Variants in LARGE1 observed in about 807,000 individuals in gnomAD.
LARGE1 encodes xylosyl- and glucuronyltransferase LARGE1.
In LARGE1, 43 loss-of-function variants were observed where a neutral mutation model predicts 87.6. The ratio of observed to expected loss-of-function variants is 0.49; its 90% CI spans 0.38 to 0.63. The LOEUF (loss-of-function observed/expected upper bound fraction) is 0.63. Among genes scored for constraint, LARGE1 ranks in the 30% least tolerant of loss-of-function variants. The pLI is 0.00. For synonymous variants in LARGE1, 434 were observed against 394.6 expected (o/e 1.10, Z -1.18); for missense variants, 802 against 1,000.2 (o/e 0.80, Z 2.67).
chr22:33,391,642 C>T (rs148281598), intron 7 of LARGE1, among the ~76,000 whole-genome samples: 18 of 152,118 alleles, frequency 1.2e-4, no homozygotes, highest in Non-Finnish European at 2.2e-4. Context: ...GGTAATGACC[C>T]ATGTCCCCCT....
the LARGE1 span, among the ~76,000 whole-genome samples, chr22:33,155,812 A>G: frequency 6.6e-6 from 1 of 152,230 alleles, no homozygotes; most frequent in Non-Finnish European, 1.5e-5. Flanking sequence ...CAAGGGCCAA[A>G]GGTTTAGGAG....
Position 33,837,635 on chromosome 22 carries a change from G to C in LARGE1, c.-82-76077C>G, listed in dbSNP as rs1480077178. Among the ~76,000 whole-genome samples, 3 of 152,216 alleles carry C rather than the reference G, an allele frequency of 2.0e-5. No homozygotes were observed. The East Asian group carries it at 5.8e-4, about 29-fold the overall frequency. ...GATGACTATGATCATCTGAGTCCAT[G>C]AGGCATCTTCAGGATGCCTCGGAAG... On this transcript the variant is annotated intron_variant, in intron 1 of 14. Transcript: ENST00000397394.
intron 5 of LARGE1, among the ~76,000 whole-genome samples, chr22:33,574,518 G>C (rs1322404219): frequency 6.6e-6 from 1 of 151,790 alleles, no homozygotes; most frequent in African/African-American, 2.4e-5. Flanking sequence ...TGGTCCAGTA[G>C]AAGGACAATT....
At chr22:33,749,172 T>C (rs1212655866) in intron 2 of LARGE1, among the ~76,000 whole-genome samples, 3 of 152,208 alleles carry the variant, frequency 2.0e-5, no homozygotes, top group Non-Finnish European at 4.4e-5. Flanking sequence ...TGGAGTGCAA[T>C]GGCACAATCT....
chr22:33,368,147 C>G (rs971155797), intron 9 of LARGE1, among the ~76,000 whole-genome samples: 1 of 152,120 alleles, frequency 6.6e-6, no homozygotes, highest in African/African-American at 2.4e-5. Flanking sequence ...TACAAGGTTC[C>G]TTATTTGCCC....
intron 6 of LARGE1, among the ~76,000 whole-genome samples, chr22:33,522,997 G>GTTTGT (rs536373038): frequency 4.9e-4 from 74 of 151,712 alleles, no homozygotes; most frequent in Non-Finnish European, 9.7e-4. Context: ...GACTGTTTTT[G>GTTTGT]TTTGTTTTGT....
intron 13 of LARGE1, among the ~76,000 whole-genome samples, chr22:33,282,804 T>C (rs971615864): frequency 6.6e-6 from 1 of 152,078 alleles, no homozygotes; most frequent in African/African-American, 2.4e-5. Context: ...GTGGTGCTAA[T>C]AGAATGAAAC....
chr22:33,672,713 T>G lies in LARGE1; in HGVS notation c.107-22045A>C, dbSNP rs141351295. ...GTTCTCATTGCTGACATGTAAAAAC[T>G]CAATGCTAGAAATAAGCTTAAGAAC... On this transcript the variant is annotated intron_variant, in intron 2 of 14. Coordinates refer to ENST00000397394, the MANE Select transcript of LARGE1 (RefSeq NM_133642.5). Among the ~76,000 whole-genome samples, 1,394 of 152,274 alleles carry G rather than the reference T, an allele frequency of 9.2e-3. 16 individuals carry two copies. Among genetic ancestry groups the G allele is most frequent in the South Asian group, 0.018 (85 of 4,822 alleles).
the LARGE1 span, among the ~76,000 whole-genome samples, chr22:33,086,355 G>C: frequency 6.6e-6 from 1 of 151,966 alleles, no homozygotes; most frequent in Non-Finnish European, 1.5e-5. Context: ...ACAGATTTTT[G>C]TCTTCTAAAT....
At chr22:33,232,434 A>T (rs1169886177) in intron 11 of LARGE1, among the ~76,000 whole-genome samples, 1 of 152,182 alleles carries the variant, frequency 6.6e-6, no homozygotes, top group African/African-American at 2.4e-5. Flanking sequence ...GGTGGGGGGA[A>T]CCAATGGCAA....
At chr22:33,564,183 A>G (rs1602456102) in intron 6 of LARGE1, among the ~76,000 whole-genome samples, 1 of 152,306 alleles carries the variant, frequency 6.6e-6, no homozygotes, top group African/African-American at 2.4e-5. Context: ...AATTTTTAAA[A>G]AGACATCTGG....
intron 2 of LARGE1, among the ~76,000 whole-genome samples, chr22:33,709,648 C>T (rs2267266): frequency 0.47 from 68,154 of 145,096 alleles, 16,095 homozygotes; most frequent in East Asian, 0.55. Flanking sequence ...TTTTTTGAGA[C>T]GGAGTCTTGC....
intron 6 of LARGE1, among the ~76,000 whole-genome samples, chr22:33,450,596 G>A (rs2067871580): frequency 6.7e-6 from 1 of 148,694 alleles, no homozygotes; most frequent in South Asian, 2.2e-4. Context: ...AACAAAGCAA[G>A]ATTCTGTTAA....
intron 2 of LARGE1, among the ~76,000 whole-genome samples, chr22:33,674,344 T>C (rs1382377902): frequency 6.6e-6 from 1 of 152,124 alleles, no homozygotes; most frequent in Non-Finnish European, 1.5e-5. Context: ...AATAGAATCA[T>C]ATAGTCTTTA....
At chr22:33,444,460 C>T (rs1424743145) in intron 6 of LARGE1, among the ~76,000 whole-genome samples, 4 of 152,054 alleles carry the variant, frequency 2.6e-5, no homozygotes, top group East Asian at 1.9e-4. Flanking sequence ...GGCATGATCT[C>T]GGCTCACTCA....
intron 11 of LARGE1, among the ~76,000 whole-genome samples, chr22:33,258,924 C>T (rs1306621982): frequency 6.6e-6 from 1 of 150,632 alleles, no homozygotes; most frequent in Non-Finnish European, 1.5e-5. Context: ...GTCATCCAGG[C>T]TGGAGTACAG....
chr22:33,259,750 T>TC (rs1207083773), intron 11 of LARGE1, among the ~76,000 whole-genome samples: 1 of 152,194 alleles, frequency 6.6e-6, no homozygotes, highest in Non-Finnish European at 1.5e-5. Flanking sequence ...GTGATGAAGT[T>TC]CCACTCTCTG....
rs192124655 is a variant in LARGE1, at chr22:33,334,179, G to A, written c.1287+3467C>T. Among the ~76,000 whole-genome samples, 389 of 151,834 alleles carry A rather than the reference G, an allele frequency of 2.6e-3. 2 individuals carry two copies. The highest frequency in any genetic ancestry group is 8.7e-3 in the African/African-American group (359 of 41,336). On this transcript the variant is annotated intron_variant, in intron 10 of 14. Transcript: ENST00000397394. ...TGTAATCCCAGCACTTTGGGAGGCC[G>A]AGGCAGGTGGATCATGAAAGGTGAT... is the stretch of plus-strand genomic sequence containing the variant.
chr22:33,164,097 G>T (rs76528353), exon 12 of LARGE1: 2 of 152,128 alleles, frequency 1.3e-5, no homozygotes, highest in African/African-American at 4.8e-5. Context: ...GCATGGATAT[G>T]ACCAAACTCA....
Sources: gnomAD v4.1 joint callset for allele counts (sites outside exome capture counted in the v4.1 genomes callset) on GRCh38, gnomAD v4.1.1 for gene constraint, MANE v1.5 for transcripts, NCBI Gene and HGNC (gene_info 2026-07-23, HGNC 2026-07-21) for gene names.